The following FARP1 variants were observed in gnomAD, a reference collection of about 807,000 sequenced individuals.
FARP1 encodes FERM, ARHGEF and pleckstrin domain-containing protein 1.
In FARP1, 52 loss-of-function variants were observed where a neutral mutation model predicts 128.8. That is an observed-to-expected ratio of 0.40 (90% confidence interval 0.32 to 0.51). The LOEUF is 0.51. Ranked by LOEUF, FARP1 falls within the 20% of genes least tolerant of loss-of-function variation. The pLI is 0.45. For missense variants in FARP1, 1,333 were observed against 1,367.9 expected (o/e 0.97, Z 0.40); for synonymous variants, 580 against 551.8 (o/e 1.05, Z -0.72).
chr13:98,389,838 A>G (rs1890239019), intron 9 of FARP1, 119 bp from the exon 10 acceptor site: 3 of 920,600 alleles, frequency 3.3e-6, no homozygotes, highest in Non-Finnish European at 3.4e-6. Flanking sequence ...TGGTCATGCT[A>G]TAATAAAATA....
At chr13:98,303,521 G>A (rs1886006441) in intron 2 of FARP1, among the ~76,000 whole-genome samples, 1 of 152,156 alleles carries the variant, frequency 6.6e-6, no homozygotes, top group East Asian at 1.9e-4. Context: ...ATGTTCTGGG[G>A]AACATGTTCA....
chr13:98,364,043 C>G (rs575472925), intron 3 of FARP1, among the ~76,000 whole-genome samples: 5 of 152,168 alleles, frequency 3.3e-5, no homozygotes, highest in Non-Finnish European at 7.3e-5. Flanking sequence ...CCTGGCCTGT[C>G]TTTCGATTTT....
At chr13:98,331,046 T>C (rs1887487883) in intron 2 of FARP1, among the ~76,000 whole-genome samples, 1 of 152,170 alleles carries the variant, frequency 6.6e-6, no homozygotes, top group Admixed American at 6.5e-5. Flanking sequence ...TCCCTTTCTA[T>C]TGCATTTGAC....
intron 2 of FARP1, among the ~76,000 whole-genome samples, chr13:98,275,361 G>GAGAGAC (rs1235171746): frequency 7.3e-6 from 1 of 137,486 alleles, no homozygotes; most frequent in Non-Finnish European, 1.6e-5. Flanking sequence ...GAGAGAGAGA[G>GAGAGAC]AGAGATAATA....
chr13:98,374,181 T>C (rs1242025937), intron 5 of FARP1, among the ~76,000 whole-genome samples: 4 of 152,222 alleles, frequency 2.6e-5, no homozygotes, highest in Non-Finnish European at 5.9e-5. Context: ...CCCAGCACTT[T>C]GGGAGGCTGA....
chr13:98,257,634 G>A (rs1421103952), intron 2 of FARP1, among the ~76,000 whole-genome samples: 1 of 152,180 alleles, frequency 6.6e-6, no homozygotes, highest in African/African-American at 2.4e-5. Context: ...GCTAGGCATG[G>A]TGGCATGTGC....
At position 98,408,901 on chromosome 13, in the gene FARP1, G is replaced by A. The variant is rs536694360; in HGVS notation, c.1415-437G>A. On this transcript the variant is annotated intron_variant, in intron 13 of 26. Coordinates refer to ENST00000319562, the MANE Select transcript of FARP1 (RefSeq NM_005766.4). ...TAGCTGTGACCCATTGTTACGGGACGTAGTGTGTCCTAAGTACAGCAGTTG... is the reference window on the plus strand; with the variant it reads ...TAGCTGTGACCCATTGTTACGGGACATAGTGTGTCCTAAGTACAGCAGTTG... Among the ~76,000 whole-genome samples the A allele has an allele frequency of 2.0e-5, 3 of 152,298 alleles. No homozygotes were observed. In the East Asian group the frequency reaches 5.8e-4, roughly 29 times the overall value.
chr13:98,290,429 T>C (rs1352582208), intron 2 of FARP1, among the ~76,000 whole-genome samples: 3 of 151,846 alleles, frequency 2.0e-5, no homozygotes, highest in Non-Finnish European at 2.9e-5. Context: ...TGTCCAAGTT[T>C]TAGAGAGCAA....
chr13:98,197,072 A>G (rs898779283), intron 1 of FARP1, among the ~76,000 whole-genome samples: 79 of 152,198 alleles, frequency 5.2e-4, no homozygotes, highest in African/African-American at 1.9e-3. Context: ...CTTAATGGAA[A>G]TTGCTTTTCT....
chr13:98,395,351 C>G lies in FARP1; in HGVS notation c.1289C>G (p.Pro430Arg), dbSNP rs1160164794. ...GEPGSHPSPA[P>R]RRSPAGNKQA... is the part of the protein sequence containing the mutation. ...CCGGGGTCGCACCCGAGCCCTGCGCCGAGGAGAAGCCCCGCGGGTAACAAG... is the reference window on the plus strand; with the variant it reads ...CCGGGGTCGCACCCGAGCCCTGCGCGGAGGAGAAGCCCCGCGGGTAACAAG... Residue 430 changes from proline (P) to arginine (R), a missense_variant, in exon 13 of 27, where the codon CCG (proline) becomes CGG (arginine). This residue lies in a region of FARP1 where 1,009 missense variants were observed against 969.8 expected (regional missense o/e 1.04). Coordinates refer to ENST00000319562, the MANE Select transcript of FARP1 (RefSeq NM_005766.4). The G allele has an allele frequency of 3.1e-6, 5 of 1,611,534 alleles. No homozygotes were observed. Among genetic ancestry groups the G allele is most frequent in the African/African-American group, 2.7e-5 (2 of 74,924 alleles).
At position 98,230,570 on chromosome 13, in the gene FARP1, C is replaced by T. The variant is rs115821229; in HGVS notation, c.171+17157C>T. Among the ~76,000 whole-genome samples the T allele has an allele frequency of 8.8e-3, 1,332 of 152,178 alleles. 24 individuals carry two copies. The highest frequency in any genetic ancestry group is 0.029 in the African/African-American group (1,221 of 41,502). ...GTTGTGAGGTCCCTGGGCAGCTCAC[C>T]ATGGTCAAAGAGTGTGGACATGAAT... On this transcript the variant is annotated intron_variant, in intron 2 of 26. Transcript: ENST00000319562.
intron 1 of FARP1, among the ~76,000 whole-genome samples, chr13:98,160,129 T>C (rs1223247388): frequency 6.6e-6 from 1 of 152,202 alleles, no homozygotes; most frequent in Admixed American, 6.5e-5. Flanking sequence ...CCAGGTCCAG[T>C]GAAAGCCTGT....
chr13:98,447,012 T>C, intron 26 of FARP1, 195 bp downstream of exon 26: 1 of 589,340 alleles, frequency 1.7e-6, no homozygotes, highest in Non-Finnish European at 3.0e-6. Context: ...CCAACTTCCC[T>C]GCGCCCTTAC....
At chr13:98,439,867 A>G in intron 21 of FARP1, 94 bp from the exon 22 acceptor site, 2 of 884,766 alleles carry the variant, frequency 2.3e-6, no homozygotes, top group African/African-American at 1.7e-5. Flanking sequence ...GCTCAGGGGC[A>G]CCCCTCCTTT....
intron 2 of FARP1, among the ~76,000 whole-genome samples, chr13:98,265,565 C>G (rs557911989): frequency 2.0e-5 from 3 of 151,382 alleles, no homozygotes; most frequent in African/African-American, 7.3e-5. Context: ...GTGATCCGCC[C>G]GCCTTGGCCT....
intron 5 of FARP1, 85 bp downstream of exon 5, chr13:98,368,280 A>G: frequency 1.0e-6 from 1 of 968,836 alleles, no homozygotes. Context: ...TGACACAAAC[A>G]TTTTCATAAT....
chr13:98,173,641 G>A (rs1877797064), intron 1 of FARP1, among the ~76,000 whole-genome samples: 3 of 152,214 alleles, frequency 2.0e-5, no homozygotes, highest in Admixed American at 6.5e-5. Flanking sequence ...TGTTGATTCC[G>A]AAGGACTTAT....
At chr13:98,314,947 G>A (rs980667625) in intron 2 of FARP1, among the ~76,000 whole-genome samples, 2 of 152,146 alleles carry the variant, frequency 1.3e-5, no homozygotes, top group Non-Finnish European at 1.5e-5. Context: ...GACTTGGAGT[G>A]GAGAAGGTTG....
rs1427046621 is a variant in FARP1, at chr13:98,450,454, G to C, written c.*2137G>C. On this transcript the variant is annotated 3_prime_UTR_variant, in exon 27 of 27. Transcript: ENST00000319562. ...AGGGATAAAACTATTGGATAAGGAA[G>C]GCAGATGCACTTCCAAGAAAATCAG... is the stretch of plus-strand genomic sequence containing the variant. 2 of 152,274 alleles carry C rather than the reference G, an allele frequency of 1.3e-5. No individual in the cohort carries two copies. The highest frequency in any genetic ancestry group is 1.3e-4 in the Admixed American group (2 of 15,290). The allele number at this position is 152,274 out of a possible 1,614,324, so 9.4% of individuals were successfully genotyped here. A position where few individuals can be genotyped will look rare whatever the true frequency, so the allele number is the denominator to read the frequency against.
Sources: allele counts gnomAD v4.1 joint callset (sites outside exome capture counted in the v4.1 genomes callset), GRCh38; gene constraint gnomAD v4.1.1; regional missense constraint gnomAD v4.1.1; transcripts MANE v1.5; gene names NCBI Gene and HGNC (gene_info 2026-07-23, HGNC 2026-07-21).